Variants in PDE6D observed in about 807,000 individuals in gnomAD.
The protein encoded by PDE6D is retinal rod rhodopsin-sensitive cGMP 3',5'-cyclic phosphodiesterase subunit delta.
In PDE6D, 10 loss-of-function variants were observed where a neutral mutation model predicts 21.9. That is an observed-to-expected ratio of 0.46 (90% confidence interval 0.28 to 0.78). The LOEUF (loss-of-function observed/expected upper bound fraction) is 0.78. Among genes scored for constraint, PDE6D ranks in the 30% least tolerant of loss-of-function variants. The pLI is 0.12. For missense variants in PDE6D, 139 were observed against 184.8 expected (o/e 0.75, Z 1.44); for synonymous variants, 59 against 63.5 (o/e 0.93, Z 0.34).
At position 231,732,963 on chromosome 2, in the gene PDE6D, A is replaced by T; in HGVS notation, c.442T>A (p.Phe148Ile). 6.2e-7 allele frequency: 1 copy of T among 1,608,910 alleles called. No individual in the cohort carries two copies. Among genetic ancestry groups the T allele is most frequent in the Non-Finnish European group, 8.5e-7 (1 of 1,175,558 alleles). The part of the protein sequence containing the change: ...LLVSTSRVRL[F>I]YV ...CACACATTCTTCTTTCAAACATAGAAAAGTCTCACTCTGGATGTGCTTACA... is the reference window on the plus strand; with the variant it reads ...CACACATTCTTCTTTCAAACATAGATAAGTCTCACTCTGGATGTGCTTACA... Residue 148 changes from phenylalanine to isoleucine, a missense_variant, in exon 5 of 5, where the codon TTC becomes ATC. Phe to Ile is a conservative substitution (Grantham distance 21). Transcript: ENST00000287600.
At chr2:231,752,759 A>G (rs1218342665) in intron 1 of PDE6D, among the ~76,000 whole-genome samples, 2 of 150,676 alleles carry the variant, frequency 1.3e-5, no homozygotes, top group African/African-American at 4.9e-5. Context: ...TTCTACTTTT[A>G]TACTTGTATT....
Position 231,737,795 on chromosome 2 carries a change from C to T in PDE6D, c.265+218G>A, listed in dbSNP as rs115888470. On this transcript the variant is annotated intron_variant, in intron 3 of 4. Coordinates refer to ENST00000287600, the MANE Select transcript of PDE6D (RefSeq NM_002601.4). ...TGCCTAAACCAGGCACCACCATCCA[C>T]GCTCCCAGTGTCAGAGACCTCAAAG... 9.1e-4 allele frequency: 446 copies of T among 491,030 alleles called. 1 individual carries two copies. The highest frequency in any genetic ancestry group is 7.7e-3 in the African/African-American group (397 of 51,484). 30.4% of individuals were successfully genotyped at this position (491,030 alleles called of 1,614,324 possible). A position where few individuals can be genotyped will look rare whatever the true frequency, so the allele number is the denominator to read the frequency against.
At chr2:231,748,253 C>T (rs943405221) in intron 1 of PDE6D, among the ~76,000 whole-genome samples, 1 of 152,100 alleles carries the variant, frequency 6.6e-6, no homozygotes, top group African/African-American at 2.4e-5. Context: ...ATGCTGATAG[C>T]AATATGGACA....
Position 231,737,173 on chromosome 2 carries a change from AC to A in PDE6D, c.371+13del, listed in dbSNP as rs757354831. The A allele has an allele frequency of 4.7e-6, 7 of 1,495,198 alleles. No homozygotes were observed. Among genetic ancestry groups the A allele is most frequent in the Admixed American group, 1.7e-5 (1 of 59,474 alleles). 92.6% of individuals were successfully genotyped at this position (1,495,198 alleles called of 1,614,324 possible). On this transcript the variant is annotated intron_variant, in intron 4 of 4. Coordinates refer to ENST00000287600, the MANE Select transcript of PDE6D (RefSeq NM_002601.4). Reference sequence around the variant, plus strand: ...TAGACACACTTCATAATTTCCTGAGACCTGCTCACTCACGTTAAGACGCTTG... The same window carrying A: ...TAGACACACTTCATAATTTCCTGAGACTGCTCACTCACGTTAAGACGCTTG...
At chr2:231,757,546 C>T (rs569879452) in intron 1 of PDE6D, among the ~76,000 whole-genome samples, 43 of 152,244 alleles carry the variant, frequency 2.8e-4, no homozygotes, top group Non-Finnish European at 4.9e-4. Flanking sequence ...CCCACCTCAG[C>T]CTCCCAAAGT....
intron 1 of PDE6D, among the ~76,000 whole-genome samples, chr2:231,750,457 T>C (rs1286981947): frequency 6.6e-5 from 10 of 151,410 alleles, no homozygotes; most frequent in Admixed American, 5.3e-4. Context: ...TATGTGAAAA[T>C]ATATGTCTAT....
intron 1 of PDE6D, among the ~76,000 whole-genome samples, chr2:231,740,928 C>T (rs554382191): frequency 7.9e-5 from 12 of 151,242 alleles, no homozygotes; most frequent in Non-Finnish European, 1.0e-4. Flanking sequence ...CACCTGAAGT[C>T]GGGAGTTCGA....
At chr2:231,760,319 T>C (rs923498908) in intron 1 of PDE6D, among the ~76,000 whole-genome samples, 1 of 152,188 alleles carries the variant, frequency 6.6e-6, no homozygotes, top group African/African-American at 2.4e-5. Context: ...TACTATATAA[T>C]GATGATGGCT....
chr2:231,753,920 AT>A (rs2106273404), intron 1 of PDE6D, among the ~76,000 whole-genome samples: 1 of 152,272 alleles, frequency 6.6e-6, no homozygotes, highest in South Asian at 2.1e-4. Context: ...TCCTACACCC[AT>A]TCTCATCCAG....
intron 1 of PDE6D, among the ~76,000 whole-genome samples, chr2:231,780,676 C>G (rs1269949647): frequency 6.6e-6 from 1 of 152,164 alleles, no homozygotes; most frequent in African/African-American, 2.4e-5. Flanking sequence ...GCTTCGAGAT[C>G]AGCCCACCGC....
intron 1 of PDE6D, among the ~76,000 whole-genome samples, chr2:231,752,611 A>G (rs2048848804): frequency 6.6e-6 from 1 of 152,102 alleles, no homozygotes; most frequent in African/African-American, 2.4e-5. Context: ...GCTTATTTGT[A>G]TTAATTAATG....
intron 1 of PDE6D, among the ~76,000 whole-genome samples, chr2:231,743,140 T>C (rs11679847): frequency 0.013 from 2,028 of 152,224 alleles, 31 homozygotes; most frequent in Non-Finnish European, 0.018. Flanking sequence ...ACGAGAAAAG[T>C]CTCGGCTGGG....
intron 1 of PDE6D, among the ~76,000 whole-genome samples, chr2:231,750,569 T>C (rs1449021626): frequency 6.7e-6 from 1 of 148,764 alleles, no homozygotes; most frequent in Non-Finnish European, 1.5e-5. Flanking sequence ...CGATCTCAGC[T>C]CACTGCAACC....
intron 1 of PDE6D, among the ~76,000 whole-genome samples, chr2:231,758,025 T>C (rs956188484): frequency 3.3e-5 from 5 of 152,172 alleles, no homozygotes; most frequent in African/African-American, 1.2e-4. Context: ...GGGTTTAATA[T>C]TTTGATGTAT....
rs532013689 is a variant in PDE6D at position 231,743,207 on chromosome 2, C to T, written c.51-4019G>A. Reference sequence around the variant, plus strand: ...TTTGGAGGCCGAGGCGGGCGGATCACGAGGTCAAGAGATCAAGACCATCTT... The same window carrying T: ...TTTGGAGGCCGAGGCGGGCGGATCATGAGGTCAAGAGATCAAGACCATCTT... On this transcript the variant is annotated intron_variant, in intron 1 of 4. Coordinates refer to ENST00000287600, the MANE Select transcript of PDE6D (RefSeq NM_002601.4). Among the ~76,000 whole-genome samples the T allele has an allele frequency of 1.5e-4, 23 of 151,984 alleles. No individual in the cohort carries two copies. The South Asian group carries it at 4.6e-3, about 30-fold the overall frequency.
intron 1 of PDE6D, among the ~76,000 whole-genome samples, chr2:231,741,300 G>A (rs2048747737): frequency 6.6e-6 from 1 of 152,068 alleles, no homozygotes; most frequent in South Asian, 2.1e-4. Context: ...GAACCCTGGA[G>A]GGTAGGAGAC....
intron 1 of PDE6D, among the ~76,000 whole-genome samples, chr2:231,742,830 C>T (rs1671566313): frequency 6.6e-6 from 1 of 152,194 alleles, no homozygotes; most frequent in Non-Finnish European, 1.5e-5. Flanking sequence ...AAGGCCTAGC[C>T]TTGGACACGT....
rs569879362 is a variant in PDE6D, at chr2:231,760,985, A to T, written c.50+20080T>A. 7.9e-5 allele frequency among the ~76,000 whole-genome samples: 12 copies of T among 152,266 alleles called. No homozygotes were observed. The South Asian group carries it at 2.3e-3, about 29-fold the overall frequency. ...AGATCTAATACCAGTTGAGTGGATGATCTCTTCCATATTCAAGTACTAGCG... is the reference window on the plus strand; with the variant it reads ...AGATCTAATACCAGTTGAGTGGATGTTCTCTTCCATATTCAAGTACTAGCG... On this transcript the variant is annotated intron_variant, in intron 1 of 4. Transcript: ENST00000287600.
chr2:231,737,802 A>C, intron 3 of PDE6D: 1 of 506,360 alleles, frequency 2.0e-6, no homozygotes, highest in South Asian at 3.0e-5. Context: ...CCACGCTCCC[A>C]GTGTCAGAGA....
Sources: allele counts gnomAD v4.1 joint callset (sites outside exome capture counted in the v4.1 genomes callset), GRCh38; gene constraint gnomAD v4.1.1; transcripts MANE v1.5; gene names NCBI Gene and HGNC (gene_info 2026-07-23, HGNC 2026-07-21).